Variants in SOHLH2 observed in about 807,000 individuals in gnomAD.
SOHLH2 encodes spermatogenesis and oogenesis specific basic helix-loop-helix 2.
SOHLH2 carries 22 observed loss-of-function variants against 50.4 expected under a neutral mutation model. That is an observed-to-expected ratio of 0.44 (90% CI 0.31 to 0.62). The LOEUF is 0.62. Among genes scored for constraint, SOHLH2 ranks in the 20% least tolerant of loss-of-function variants. The pLI is 0.08. For synonymous variants in SOHLH2, 185 were observed against 187.3 expected (o/e 0.99, Z 0.10); for missense variants, 412 against 504.4 (o/e 0.82, Z 1.76).
chr13:36,209,189 CTTCT>C (rs1230306327), intron 1 of SOHLH2, among the ~76,000 whole-genome samples: 8 of 152,080 alleles, frequency 5.3e-5, no homozygotes, highest in Non-Finnish European at 1.0e-4. Flanking sequence ...GTCTTCACTC[CTTCT>C]AAGTATTTTT....
At chr13:36,184,489 T>A (rs1487461331) in intron 6 of SOHLH2, among the ~76,000 whole-genome samples, 3 of 140,764 alleles carry the variant, frequency 2.1e-5, no homozygotes, top group Non-Finnish European at 4.6e-5. Context: ...TGAGACGGAG[T>A]CTTGCTCTTG....
chr13:36,181,648 C>G (rs1304638304), intron 6 of SOHLH2, among the ~76,000 whole-genome samples: 1 of 152,138 alleles, frequency 6.6e-6, no homozygotes, highest in East Asian at 1.9e-4. Flanking sequence ...TGTACTATAG[C>G]TACATATGTT....
chr13:36,173,558 A>G, intron 9 of SOHLH2, 134 bp downstream of exon 9: 1 of 1,020,974 alleles, frequency 9.8e-7, no homozygotes, highest in South Asian at 1.5e-5. Context: ...TGTGTACCTG[A>G]GGCTGACAAT....
Position 36,201,972 on chromosome 13 carries a change from G to C in SOHLH2, c.170C>G (p.Ala57Gly), listed in dbSNP as rs140085327. 1.2e-6 allele frequency: 2 copies of C among 1,614,100 alleles called. No homozygotes were observed. The highest frequency in any genetic ancestry group is 2.7e-5 in the African/African-American group (2 of 74,936). Residue 57 changes from alanine to glycine, a missense_variant, in exon 2 of 11, where the codon GCA becomes GGA. By Grantham distance (60) the Ala-to-Gly change is moderately conservative. Coordinates refer to ENST00000379881, the MANE Select transcript of SOHLH2 (RefSeq NM_017826.3). ...GAATATGCAATCATCCAAAAGCGCT[G>C]CTGCCTCCTTCGTGTCACTGATGGT... ...TITISDTKEA[A>G]ALLDDCIFNM...
At chr13:36,201,048 C>CAAAAAAAAAAA (rs10660002) in intron 2 of SOHLH2, among the ~76,000 whole-genome samples, 24 of 55,910 alleles carry the variant, frequency 4.3e-4, no homozygotes, top group Admixed American at 7.0e-4. Context: ...GACTCTGCCT[C>CAAAAAAAAAAA]AAAAAAAAAA....
At chr13:36,173,639 G>A in intron 9 of SOHLH2, 53 bp downstream of exon 9, 3 of 1,602,146 alleles carry the variant, frequency 1.9e-6, no homozygotes, top group Non-Finnish European at 2.6e-6. Flanking sequence ...CTGGGGGTTT[G>A]CAGGGCAGGG....
intron 1 of SOHLH2, among the ~76,000 whole-genome samples, chr13:36,208,074 G>C (rs1034887913): frequency 9.2e-5 from 14 of 152,132 alleles, no homozygotes; most frequent in African/African-American, 3.4e-4. Context: ...TTGGAGGGAG[G>C]AATATCAAAC....
chr13:36,183,583 T>C (rs889040214), intron 6 of SOHLH2, among the ~76,000 whole-genome samples: 4 of 151,858 alleles, frequency 2.6e-5, no homozygotes, highest in African/African-American at 7.3e-5. Context: ...AATAGAAAAA[T>C]TGTGAACCTA....
chr13:36,205,270 A>G (rs949256705), intron 1 of SOHLH2, among the ~76,000 whole-genome samples: 1 of 152,148 alleles, frequency 6.6e-6, no homozygotes, highest in African/African-American at 2.4e-5. Flanking sequence ...ATTTGACTTT[A>G]AAGCATTGGC....
intron 10 of SOHLH2, among the ~76,000 whole-genome samples, chr13:36,169,799 A>C (rs1204826941): frequency 3.3e-5 from 5 of 152,090 alleles, no homozygotes; most frequent in African/African-American, 1.2e-4. Flanking sequence ...CTACCTAGCT[A>C]TTCCTTAGTG....
At chr13:36,176,605 A>C (rs1411084434) in intron 6 of SOHLH2, among the ~76,000 whole-genome samples, 3 of 152,094 alleles carry the variant, frequency 2.0e-5, no homozygotes, top group African/African-American at 7.2e-5. Flanking sequence ...TATAATATAT[A>C]TATATAGCCT....
intron 9 of SOHLH2, 82 bp downstream of exon 9, chr13:36,173,610 G>T (rs556820014): frequency 6.6e-7 from 1 of 1,519,170 alleles, no homozygotes; most frequent in Non-Finnish European, 9.1e-7. Flanking sequence ...CCTGGTTATG[G>T]TGGTGAATGC....
chr13:36,180,642 A>G (rs1219953881), intron 6 of SOHLH2, among the ~76,000 whole-genome samples: 2 of 115,922 alleles, frequency 1.7e-5, no homozygotes, highest in African/African-American at 3.4e-5. Context: ...ATTACTTAGA[A>G]GTTTTTTTTT....
At chr13:36,175,837 G>A (rs1282553109) in intron 6 of SOHLH2, among the ~76,000 whole-genome samples, 2 of 152,134 alleles carry the variant, frequency 1.3e-5, no homozygotes, top group Non-Finnish European at 2.9e-5. Flanking sequence ...AACTATTCTG[G>A]GAAGGGAAGG....
intron 6 of SOHLH2, among the ~76,000 whole-genome samples, chr13:36,179,470 A>C (rs1242164465): frequency 6.6e-6 from 1 of 152,148 alleles, no homozygotes; most frequent in Non-Finnish European, 1.5e-5. Context: ...GTGCAGTGGC[A>C]CCATCTCAGC....
intron 9 of SOHLH2, among the ~76,000 whole-genome samples, chr13:36,172,197 C>A (rs749800436): frequency 6.6e-6 from 1 of 152,094 alleles, no homozygotes; most frequent in Non-Finnish European, 1.5e-5. Context: ...GGCCTGAACT[C>A]GCTGCCACGA....
intron 6 of SOHLH2, among the ~76,000 whole-genome samples, chr13:36,180,636 C>T (rs1733576833): frequency 7.5e-6 from 1 of 132,498 alleles, no homozygotes; most frequent in African/African-American, 2.9e-5. Flanking sequence ...CCATGGATTA[C>T]TTAGAAGTTT....
intron 1 of SOHLH2, among the ~76,000 whole-genome samples, chr13:36,205,021 G>C (rs986259780): frequency 6.6e-6 from 1 of 152,100 alleles, no homozygotes; most frequent in African/African-American, 2.4e-5. Context: ...TTCAACCTTT[G>C]GAGGTCACTG....
At chr13:36,177,507 A>G (rs924905022) in intron 6 of SOHLH2, among the ~76,000 whole-genome samples, 3 of 152,134 alleles carry the variant, frequency 2.0e-5, no homozygotes, top group Non-Finnish European at 4.4e-5. Context: ...CCAAGGGAGT[A>G]CCATTTTACA....
Sources: allele counts gnomAD v4.1 joint callset (sites outside exome capture counted in the v4.1 genomes callset), GRCh38; gene constraint gnomAD v4.1.1; transcripts MANE v1.5; gene names NCBI Gene and HGNC (gene_info 2026-07-23, HGNC 2026-07-21).